GRIK2: variants seen among roughly 807,000 people sequenced by gnomAD.
GRIK2 encodes glutamate ionotropic receptor kainate type subunit 2, also known as glutamate receptor ionotropic, kainate 2.
In GRIK2, 32 loss-of-function variants were observed where a neutral mutation model predicts 100.3. The observed-to-expected ratio is 0.32, with a 90% CI of 0.24 to 0.43. The LOEUF (loss-of-function observed/expected upper bound fraction) is 0.43, where lower values mean the gene tolerates loss of function less well. GRIK2 is among the 20% of genes least tolerant of loss of function. GRIK2 has a pLI of 1.00. For synonymous variants in GRIK2, 417 were observed against 389.4 expected (o/e 1.07, Z -0.83); for missense variants, 843 against 1,114.9 (o/e 0.76, Z 3.47).
chr6:101,553,044 T>A (rs1321587099), intron 2 of GRIK2, among the ~76,000 whole-genome samples: 1 of 152,186 alleles, frequency 6.6e-6, no homozygotes, highest in African/African-American at 2.4e-5. Context: ...TCCTCATTCA[T>A]TTAACAGTCA....
intron 5 of GRIK2, among the ~76,000 whole-genome samples, chr6:101,681,032 T>C (rs1475346642): frequency 6.6e-6 from 1 of 152,228 alleles, no homozygotes; most frequent in Non-Finnish European, 1.5e-5. Context: ...TATTCCTTCT[T>C]AAAGAATTCA....
At chr6:101,629,079 T>C (rs1046422815) in intron 4 of GRIK2, among the ~76,000 whole-genome samples, 2 of 152,100 alleles carry the variant, frequency 1.3e-5, no homozygotes, top group Non-Finnish European at 2.9e-5. Context: ...ATTATATCAT[T>C]GAGGCAAATA....
chr6:101,475,134 C>A (rs1016275314), intron 2 of GRIK2, among the ~76,000 whole-genome samples: 12 of 151,810 alleles, frequency 7.9e-5, no homozygotes, highest in African/African-American at 2.9e-4. Context: ...CTTTCCCTGA[C>A]TCTCTCTGAT....
intron 14 of GRIK2, among the ~76,000 whole-genome samples, chr6:102,027,578 A>T (rs1769769533): frequency 6.6e-6 from 1 of 151,100 alleles, no homozygotes. Context: ...TTGTTATGAC[A>T]TTTAAAACAA....
At chr6:101,836,669 T>TTTTA (rs2128431569) in intron 10 of GRIK2, among the ~76,000 whole-genome samples, 1 of 113,772 alleles carries the variant, frequency 8.8e-6, no homozygotes, top group South Asian at 3.1e-4. Flanking sequence ...ATATTTTTTT[T>TTTTA]TTTTTTTTTT....
At chr6:101,910,856 CACACACACAT>C (rs1401573723) in intron 12 of GRIK2, among the ~76,000 whole-genome samples, 6 of 150,856 alleles carry the variant, frequency 4.0e-5, no homozygotes, top group African/African-American at 1.2e-4. Context: ...CACACACACA[CACACACACAT>C]ACACAAGCAT....
chr6:101,987,601 C>T (rs1226555188), intron 14 of GRIK2, among the ~76,000 whole-genome samples: 8 of 150,278 alleles, frequency 5.3e-5, no homozygotes, highest in Non-Finnish European at 8.9e-5. Flanking sequence ...CTATTAGCTT[C>T]CTGTATTACA....
intron 7 of GRIK2, among the ~76,000 whole-genome samples, chr6:101,781,843 T>C (rs1779116973): frequency 1.3e-5 from 2 of 152,106 alleles, no homozygotes; most frequent in Non-Finnish European, 2.9e-5. Flanking sequence ...GTTTTTTTTT[T>C]TCTAAAATAA....
At chr6:101,410,274 T>C (rs1243244201) in intron 2 of GRIK2, among the ~76,000 whole-genome samples, 2 of 152,164 alleles carry the variant, frequency 1.3e-5, no homozygotes, top group East Asian at 1.9e-4. Flanking sequence ...GAACTTTTAG[T>C]TATTTCAAGG....
intron 2 of GRIK2, among the ~76,000 whole-genome samples, chr6:101,415,751 T>C (rs1301434147): frequency 1.3e-5 from 2 of 152,158 alleles, no homozygotes; most frequent in Non-Finnish European, 2.9e-5. Context: ...CCTCTATTGC[T>C]TGGGTTTTAG....
At chr6:102,014,779 TGTGCTGTGGTCCCTGAGA>T (rs1253020413) in intron 14 of GRIK2, among the ~76,000 whole-genome samples, 5 of 152,192 alleles carry the variant, frequency 3.3e-5, no homozygotes, top group African/African-American at 1.2e-4. Context: ...TCTATTTTAT[TGTGCTGTGGTCCCTGAGA>T]GTGGTTGGTA....
At chr6:101,394,863 T>C (rs1359507189) in intron 1 of GRIK2, among the ~76,000 whole-genome samples, 3 of 152,172 alleles carry the variant, frequency 2.0e-5, no homozygotes, top group African/African-American at 7.2e-5. Context: ...AGCAAGGTGA[T>C]AGAGAATTGA....
intron 2 of GRIK2, among the ~76,000 whole-genome samples, chr6:101,412,987 T>C (rs1262183933): frequency 6.6e-6 from 1 of 152,010 alleles, no homozygotes; most frequent in African/African-American, 2.4e-5. Context: ...TTTCCCAAGG[T>C]TCTTTGAATT....
intron 7 of GRIK2, among the ~76,000 whole-genome samples, chr6:101,730,334 A>C (rs9498675): frequency 0.12 from 17,636 of 151,958 alleles, 1,174 homozygotes; most frequent in South Asian, 0.21. Flanking sequence ...TAAATTAAGA[A>C]TACATTATAT....
At chr6:101,933,371 C>T (rs928098404) in intron 14 of GRIK2, among the ~76,000 whole-genome samples, 3 of 151,786 alleles carry the variant, frequency 2.0e-5, no homozygotes, top group Non-Finnish European at 4.4e-5. Flanking sequence ...ACTGATTACT[C>T]GTCTATCTCT....
At chr6:101,962,805 T>C (rs1792384785) in intron 14 of GRIK2, among the ~76,000 whole-genome samples, 1 of 152,122 alleles carries the variant, frequency 6.6e-6, no homozygotes, top group Non-Finnish European at 1.5e-5. Flanking sequence ...CTATAAAATA[T>C]ATTTTTTATA....
intron 2 of GRIK2, among the ~76,000 whole-genome samples, chr6:101,471,651 T>C (rs776284303): frequency 3.3e-5 from 5 of 152,052 alleles, no homozygotes; most frequent in East Asian, 1.9e-4. Context: ...TTGACATTGA[T>C]GTTTCACTTT....
intron 10 of GRIK2, among the ~76,000 whole-genome samples, chr6:101,840,351 C>T (rs1322399023): frequency 2.0e-5 from 3 of 152,142 alleles, no homozygotes; most frequent in Non-Finnish European, 4.4e-5. Context: ...TGATACTTAT[C>T]GGATTCCCAG....
At chr6:101,710,748 T>A (rs1773643939) in intron 7 of GRIK2, among the ~76,000 whole-genome samples, 1 of 151,822 alleles carries the variant, frequency 6.6e-6, no homozygotes, top group Non-Finnish European at 1.5e-5. Context: ...CAAGACGTCC[T>A]CATGCTCAGC....
Sources: allele counts gnomAD v4.1 joint callset (sites outside exome capture counted in the v4.1 genomes callset), GRCh38; gene constraint gnomAD v4.1.1; transcripts MANE v1.5; gene names NCBI Gene and HGNC (gene_info 2026-07-23, HGNC 2026-07-21).